Variants in TTLL3 observed in about 807,000 individuals in gnomAD.
TTLL3 encodes tubulin tyrosine ligase like 3.
TTLL3 carries 63 observed loss-of-function variants against 75.2 expected under a neutral mutation model. The observed-to-expected ratio is 0.84, with a 90% CI of 0.68 to 1.03. The LOEUF is 1.03. TTLL3 is among the 50% of genes least tolerant of loss of function. The pLI is 0.00. For synonymous variants in TTLL3, 393 were observed against 418.5 expected, an observed-to-expected ratio of 0.94 and a Z score of 0.74; for missense variants, 997 against 1,069.9, an observed-to-expected ratio of 0.93 and a Z score of 0.95.
chr3:9,814,020 G>A (rs78467909), intron 4 of TTLL3, among the ~76,000 whole-genome samples: 3,073 of 152,202 alleles, frequency 0.02, 85 homozygotes, highest in African/African-American at 0.07. Context: ...GGAAGAGACG[G>A]AGCGGGGTGG....
Position 9,820,576 on chromosome 3 carries a change from A to G in TTLL3, c.689A>G (p.Asn230Ser). 6.2e-7 allele frequency: 1 copy of G among 1,613,910 alleles called. No homozygotes were observed. The highest frequency in any genetic ancestry group is 8.5e-7 in the Non-Finnish European group (1 of 1,179,946). Residue 230 changes from asparagine (N) to serine (S), a missense_variant, in exon 8 of 14, where the codon AAC becomes AGC. Asn to Ser is a conservative substitution (Grantham distance 46, BLOSUM62 1). Coordinates refer to ENST00000685419, the MANE Select transcript of TTLL3 (RefSeq NM_001387446.1). ...AAGCAGCCCAAGAAACAGGAGAAAA[A>G]CCCAGTGTTGGTGTCCCCAGAGTTT... ...GDKQPKKQEK[N>S]PVLVSPEFVD...
At chr3:9,814,078 T>G (rs2079590233) in intron 4 of TTLL3, among the ~76,000 whole-genome samples, 2 of 151,948 alleles carry the variant, frequency 1.3e-5, no homozygotes, top group African/African-American at 4.8e-5. Context: ...GGCGGGCAGA[T>G]TCCTTGAGGT....
intron 5 of TTLL3, among the ~76,000 whole-genome samples, chr3:9,816,470 CT>C (rs1203456756): frequency 6.6e-6 from 1 of 151,318 alleles, no homozygotes; most frequent in Non-Finnish European, 1.5e-5. Flanking sequence ...GGACTCTTAC[CT>C]CCTAAGCAGA....
At chr3:9,832,931 C>T (rs2081701297) in intron 11 of TTLL3, among the ~76,000 whole-genome samples, 173 bp from the exon 12 acceptor site, 1 of 152,198 alleles carries the variant, frequency 6.6e-6, no homozygotes, top group Non-Finnish European at 1.5e-5. Context: ...TCCTGGAGCT[C>T]TGTGACTCTA....
chr3:9,820,289 C>T (rs2080287916), intron 7 of TTLL3: 1 of 1,317,430 alleles, frequency 7.6e-7, no homozygotes, highest in African/African-American at 1.5e-5. Context: ...TAGGTGCTGT[C>T]AGAGGCCTTG....
chr3:9,825,337 C>CA (rs34409771), intron 8 of TTLL3: 68,376 of 120,618 alleles, frequency 0.57, 18,735 homozygotes, highest in Non-Finnish European at 0.63. Flanking sequence ...GACCCTGTCT[C>CA]AAAAAAAAAA....
At position 9,816,117 on chromosome 3, in the gene TTLL3, C is replaced by G. The variant is rs754433672; in HGVS notation, c.359C>G (p.Thr120Ser). ...GAGATCCCCTACTTCATCTGGACCA[C>G]TCGGCGGGATGTGCTCGACTGTCGC... is the stretch of plus-strand genomic sequence containing the variant. ...QNEIPYFIWT[T>S]RRDVLDCRFL... Residue 120 changes from threonine to serine, a missense_variant, in exon 5 of 14, where the codon ACT (threonine) becomes AGT (serine). By Grantham distance (58) the Thr-to-Ser change is moderately conservative. Coordinates refer to ENST00000685419, the MANE Select transcript of TTLL3 (RefSeq NM_001387446.1). The G allele has an allele frequency of 1.9e-5, 25 of 1,350,650 alleles. No individual in the cohort carries two copies. The highest frequency in any genetic ancestry group is 2.2e-5 in the Non-Finnish European group (22 of 1,014,102). 83.7% of individuals were successfully genotyped at this position (1,350,650 alleles called of 1,614,324 possible).
Position 9,815,600 on chromosome 3 carries a change from A to G in TTLL3, c.316-474A>G, listed in dbSNP as rs563085202. Among the ~76,000 whole-genome samples, 30 of 152,374 alleles carry G rather than the reference A, an allele frequency of 2.0e-4. No homozygotes were observed. The South Asian group carries it at 5.0e-3, about 25-fold the overall frequency. On this transcript the variant is annotated intron_variant, in intron 4 of 13. Coordinates refer to ENST00000685419, the MANE Select transcript of TTLL3 (RefSeq NM_001387446.1). ...GCCCCTGGGCAAGTCACTGATGACC[A>G]TGGGCCAGAACAAAGTGTGACATTC...
upstream of TTLL3, chr3:9,810,224 C>A (rs1361874714): frequency 2.0e-6 from 3 of 1,506,368 alleles, no homozygotes; most frequent in Middle Eastern, 2.2e-4. The surrounding 1 kb of genome is among the most constrained non-coding windows in gnomAD (Gnocchi z 4.4). Context: ...TCCGCCCAGT[C>A]CGAGGAGGGT....
At chr3:9,828,922 C>A (rs370687757) in intron 10 of TTLL3, 38 bp from the exon 11 acceptor site, 1 of 1,605,588 alleles carries the variant, frequency 6.2e-7, no homozygotes, top group Non-Finnish European at 8.5e-7. Context: ...GGGAGAGACA[C>A]AAGGGCCTGG....
rs1396231589 is a variant in TTLL3 at position 9,827,093 on chromosome 3, T to C, written c.1100T>C (p.Ile367Thr). The change falls in exon 10 of 14, where the codon ATT becomes ACT. Residue 367 changes from isoleucine to threonine, a missense_variant. By Grantham distance (89) the Ile-to-Thr change is moderately conservative. Transcript: ENST00000685419. ...KDGKWVVQKY[I>T]ERPLLIFGTK... ...GGCAAGTGGGTGGTGCAGAAGTATA[T>C]TGAGCGGCCCCTCCTCATCTTTGGC... The C allele has an allele frequency of 5.6e-6, 9 of 1,614,220 alleles. No homozygotes were observed. Among genetic ancestry groups the C allele is most frequent in the Non-Finnish European group, 5.1e-6 (6 of 1,180,040 alleles).
At chr3:9,829,533 A>C in intron 11 of TTLL3, 138 bp downstream of exon 11, 1 of 1,135,756 alleles carries the variant, frequency 8.8e-7, no homozygotes, top group South Asian at 1.9e-5. Context: ...AGGTGACCTC[A>C]CTTCCTTGAG....
intron 8 of TTLL3, chr3:9,820,974 C>A: frequency 1.8e-6 from 1 of 556,914 alleles, no homozygotes; most frequent in Non-Finnish European, 3.0e-6. Context: ...AAATGGACAG[C>A]ACATTACCCA....
rs567711657 is a variant in TTLL3, at chr3:9,818,494, G to A, written c.560-328G>A. Reference sequence around the variant, plus strand: ...CGCCATTCTCCTGCCTCAGCCTCCCGAGTAGCTGGGACTACAGGCGCCCGC... The same window carrying A: ...CGCCATTCTCCTGCCTCAGCCTCCCAAGTAGCTGGGACTACAGGCGCCCGC... On this transcript the variant is annotated intron_variant, in intron 6 of 13. Coordinates refer to ENST00000685419, the MANE Select transcript of TTLL3 (RefSeq NM_001387446.1). 4.3e-4 allele frequency: 114 copies of A among 262,932 alleles called. 1 individual carries two copies. In the South Asian group the frequency reaches 7.9e-3, roughly 18 times the overall value. 16.3% of individuals were successfully genotyped at this position (262,932 alleles called of 1,614,324 possible). A position where few individuals can be genotyped will look rare whatever the true frequency, so the allele number is the denominator to read the frequency against.
At chr3:9,818,800 G>T (rs1559739217) in intron 6 of TTLL3, 22 bp from the exon 7 acceptor site, 2 of 1,613,972 alleles carry the variant, frequency 1.2e-6, no homozygotes, top group Non-Finnish European at 1.7e-6. Context: ...GCTGAGCAGG[G>T]TATCCCCTGG....
At position 9,810,291 on chromosome 3, in the gene TTLL3, C is replaced by G; in HGVS notation, c.-145C>G. The G allele has an allele frequency of 6.7e-7, 1 of 1,500,440 alleles. No individual in the cohort carries two copies. Among genetic ancestry groups the G allele is most frequent in the East Asian group, 2.7e-5 (1 of 37,356 alleles). The allele number at this position is 1,500,440 out of a possible 1,614,324, so 92.9% of individuals were successfully genotyped here. A position where few individuals can be genotyped will look rare whatever the true frequency, so the allele number is the denominator to read the frequency against. On this transcript the variant is annotated 5_prime_UTR_variant, in exon 1 of 14. Coordinates refer to ENST00000685419, the MANE Select transcript of TTLL3 (RefSeq NM_001387446.1). The surrounding 1 kb of genome is among the most constrained non-coding windows in gnomAD (Gnocchi z 4.4). Reference sequence around the variant, plus strand: ...CCGCCCCTGCGCGCCGCCTCAGCGGCGCCTTCAAGACGCTGGTCCCAGGCA... The same window carrying G: ...CCGCCCCTGCGCGCCGCCTCAGCGGGGCCTTCAAGACGCTGGTCCCAGGCA...
chr3:9,810,413 G>C lies in TTLL3; in HGVS notation c.-42+19G>C. 4.3e-6 allele frequency: 6 copies of C among 1,411,346 alleles called. No homozygotes were observed. The highest frequency in any genetic ancestry group is 3.1e-5 in the South Asian group (2 of 65,532). 87.4% of individuals were successfully genotyped at this position (1,411,346 alleles called of 1,614,324 possible). On this transcript the variant is annotated intron_variant, in intron 1 of 13. Coordinates refer to ENST00000685419, the MANE Select transcript of TTLL3 (RefSeq NM_001387446.1). This position sits in a 1 kb window ranked among gnomAD's most constrained non-coding sequence, Gnocchi z 4.4. ...CAGGATGGTGAGGCCCGTGCGGCCCGCTCGCTCTGGCCTACAGCGGCTGCG... is the reference window on the plus strand; with the variant it reads ...CAGGATGGTGAGGCCCGTGCGGCCCCCTCGCTCTGGCCTACAGCGGCTGCG...
rs758692951 is a variant in TTLL3, at chr3:9,813,083, G to A, written c.189G>A (p.Ala63=). ...CCCAGAAGGATCTGGATAGCTCAGC[G>A]ATGGGTGACAGTGACACCACTGAGG... ...LPPQKDLDSS[A]MGDSDTTEDE... The change falls in exon 3 of 14, where the codon GCG becomes GCA. Residue 63 remains alanine, a synonymous_variant. Coordinates refer to ENST00000685419, the MANE Select transcript of TTLL3 (RefSeq NM_001387446.1). 11 of 1,581,386 alleles carry A rather than the reference G, an allele frequency of 7.0e-6. No individual in the cohort carries two copies. In the African/African-American group the frequency reaches 1.1e-4, roughly 16 times the overall value.
rs34646268 is a variant in TTLL3 at position 9,832,080 on chromosome 3, ATT to A, written c.1684-1003_1684-1002del. Among the ~76,000 whole-genome samples the A allele has an allele frequency of 8.9e-3, 752 of 84,752 alleles. 6 individuals carry two copies. Among genetic ancestry groups the A allele is most frequent in the African/African-American group, 0.036 (716 of 20,168 alleles). The allele number at this position is 84,752 out of a possible 152,430, so 55.6% of individuals were successfully genotyped here. A position where few individuals can be genotyped will look rare whatever the true frequency, so the allele number is the denominator to read the frequency against. ...AGCCACCGCGCCCGGCAATAGCTGCATTTTTTTTTTTTTTTTTTTTTTGAGAC... is the reference window on the plus strand; with the variant it reads ...AGCCACCGCGCCCGGCAATAGCTGCATTTTTTTTTTTTTTTTTTTTGAGAC... On this transcript the variant is annotated intron_variant, in intron 11 of 13. Transcript: ENST00000685419.
Sources: allele counts gnomAD v4.1 joint callset (sites outside exome capture counted in the v4.1 genomes callset), GRCh38; gene constraint gnomAD v4.1.1; non-coding constraint Gnocchi (gnomAD v3.1); transcripts MANE v1.5; gene names NCBI Gene and HGNC (gene_info 2026-07-23, HGNC 2026-07-21).